The following GLB1L3 variants were observed in gnomAD, a reference collection of about 807,000 sequenced individuals.
The protein encoded by GLB1L3 is beta-galactosidase-1-like protein 3.
Under a neutral mutation model 89.5 loss-of-function variants are expected in GLB1L3, and 89 were observed. That is an observed-to-expected ratio of 0.99 (90% CI 0.84 to 1.19). The LOEUF is 1.19. Among genes scored for constraint, GLB1L3 ranks in the 50% most tolerant of loss-of-function variants. GLB1L3 has a pLI of 0.00. For missense variants in GLB1L3, 812 were observed against 813.3 expected (o/e 1.00, Z 0.02); for synonymous variants, 314 against 312.3 (o/e 1.01, Z -0.06).
At chr11:134,324,603 C>T in the GLB1L3 span, among the ~76,000 whole-genome samples, 323 of 152,154 alleles carry the variant, frequency 2.1e-3, 2 homozygotes, top group Middle Eastern at 6.8e-3. Flanking sequence ...CTTGTCTGTT[C>T]TTTGTTCTGT....
intron 9 of GLB1L3, chr11:134,305,113 A>T (rs1393651892): frequency 1.3e-6 from 2 of 1,548,718 alleles, no homozygotes; most frequent in Non-Finnish European, 8.7e-7. Flanking sequence ...CTCTCCTCCC[A>T]GGGAGCCAGT....
At position 134,283,798 on chromosome 11, in the gene GLB1L3, G is replaced by A; in HGVS notation, c.589G>A (p.Val197Ile). 4 of 1,613,144 alleles carry A rather than the reference G, an allele frequency of 2.5e-6. No homozygotes were observed. The highest frequency in any genetic ancestry group is 3.4e-6 in the Non-Finnish European group (4 of 1,179,516). The change falls in exon 6 of 20, where the codon GTT becomes ATT. Residue 197 changes from valine to isoleucine, a missense_variant. This residue lies in a region of GLB1L3 where 618 missense variants were observed against 604.0 expected (regional missense o/e 1.02). Coordinates refer to ENST00000431683, the MANE Select transcript of GLB1L3 (RefSeq NM_001080407.3). ...RTTNKSFIEAVEKYFDHLIPR... is the reference protein window; with the variant it reads ...RTTNKSFIEAIEKYFDHLIPR... ...AACCAACAAGAGCTTCATTGAAGCA[G>A]TTGAGAAGTATTTTGACCACCTGAT...
chr11:134,279,886 CT>C (rs1346530589), intron 3 of GLB1L3, among the ~76,000 whole-genome samples: 1 of 151,840 alleles, frequency 6.6e-6, no homozygotes, highest in Non-Finnish European at 1.5e-5. Flanking sequence ...GTGTAATTTC[CT>C]TTTCTCTACT....
intron 7 of GLB1L3, among the ~76,000 whole-genome samples, chr11:134,290,544 G>C (rs920020735): frequency 7.0e-6 from 1 of 143,264 alleles, no homozygotes; most frequent in Non-Finnish European, 1.5e-5. Flanking sequence ...CTGGACTCCA[G>C]CCTGGGTGAC....
chr11:134,288,968 G>T, intron 7 of GLB1L3, 78 bp downstream of exon 7: 1 of 1,009,642 alleles, frequency 9.9e-7, no homozygotes. Flanking sequence ...GGATGCATGA[G>T]TGATCGGGCT....
Position 134,312,457 on chromosome 11 carries a change from C to T in GLB1L3, c.1396C>T (p.Arg466Cys), listed in dbSNP as rs760273413. The change falls in exon 14 of 20, where the codon CGC (arginine) becomes TGC (cysteine). Residue 466 changes from arginine to cysteine, a missense_variant. Physicochemically the swap from Arg to Cys is radical, Grantham distance 180. This residue lies in a region of GLB1L3 where 618 missense variants were observed against 604.0 expected (regional missense o/e 1.02). Coordinates refer to ENST00000431683, the MANE Select transcript of GLB1L3 (RefSeq NM_001080407.3). ...TGAGAAGTCCATCTGCTCCGGAGGC[C>T]GCCTCCGTGCCCACGCTCATGACGT... Reference protein sequence around the residue: ...LYEKSICSGGRLRAHAHDVAQ... With the variant: ...LYEKSICSGGCLRAHAHDVAQ... The T allele has an allele frequency of 2.8e-5, 45 of 1,613,066 alleles. 1 individual carries two copies. In the South Asian group the frequency reaches 3.2e-4, roughly 11 times the overall value.
intron 10 of GLB1L3, among the ~76,000 whole-genome samples, chr11:134,308,235 C>CCATCACCACCACCACCAT (rs1942345069): frequency 3.6e-5 from 1 of 27,772 alleles, no homozygotes; most frequent in Non-Finnish European, 7.0e-5. Context: ...ACCACCACCA[C>CCATCACCACCACCACCAT]CATCACCATC....
intron 1 of GLB1L3, 168 bp from the exon 2 acceptor site, chr11:134,277,158 G>C: frequency 1.3e-6 from 1 of 795,822 alleles, no homozygotes. Flanking sequence ...GGACTGGCCG[G>C]GTGATGCCGC....
At chr11:134,308,466 A>T (rs1942471624) in intron 10 of GLB1L3, among the ~76,000 whole-genome samples, 2 of 19,610 alleles carry the variant, frequency 1.0e-4, no homozygotes, top group Admixed American at 5.4e-4. Context: ...CACCACCACC[A>T]CCACCAAATA....
intron 10 of GLB1L3, among the ~76,000 whole-genome samples, chr11:134,308,449 C>CCAT (rs1565413752): frequency 4.5e-5 from 2 of 44,328 alleles, no homozygotes; most frequent in East Asian, 4.1e-4. Flanking sequence ...ACCACCATCA[C>CCAT]CACCACCACC....
At position 134,276,769 on chromosome 11, in the gene GLB1L3, G is replaced by T; in HGVS notation, c.23+6G>T. On this transcript the variant is annotated splice_donor_region_variant and intron_variant, in intron 1 of 19. Coordinates refer to ENST00000431683, the MANE Select transcript of GLB1L3 (RefSeq NM_001080407.3). ...AAGTCCCCGCCCCTCCTCAGGTGACGGATCGCCGCTGCCGTCCCGGGCTGC... is the reference window on the plus strand; with the variant it reads ...AAGTCCCCGCCCCTCCTCAGGTGACTGATCGCCGCTGCCGTCCCGGGCTGC... The T allele has an allele frequency of 4.8e-6, 7 of 1,443,304 alleles. No homozygotes were observed. Among genetic ancestry groups the T allele is most frequent in the East Asian group, 3.1e-5 (1 of 32,506 alleles). The allele number at this position is 1,443,304 out of a possible 1,614,324, so 89.4% of individuals were successfully genotyped here.
At chr11:134,323,671 A>G (rs1464502967), downstream of GLB1L3, among the ~76,000 whole-genome samples, 1 of 152,194 alleles carries the variant, frequency 6.6e-6, no homozygotes, top group Non-Finnish European at 1.5e-5. Context: ...ATGGAAGAAT[A>G]ACTTCTCTCT....
chr11:134,281,244 A>C (rs1465255335), intron 3 of GLB1L3, 133 bp from the exon 4 acceptor site: 1 of 1,014,210 alleles, frequency 9.9e-7, no homozygotes, highest in Non-Finnish European at 1.5e-6. Flanking sequence ...ACAGAGGTTT[A>C]ATTTCCACTG....
chr11:134,308,386 CCATCACCACCAT>C (rs1565413465), intron 10 of GLB1L3, among the ~76,000 whole-genome samples: 11 of 70,954 alleles, frequency 1.6e-4, no homozygotes, highest in Middle Eastern at 7.1e-3. Flanking sequence ...ACCATCACCA[CCATCACCACCAT>C]CACCATCACC....
intron 9 of GLB1L3, among the ~76,000 whole-genome samples, chr11:134,300,576 C>T (rs1052283042): frequency 5.3e-5 from 8 of 152,124 alleles, no homozygotes; most frequent in South Asian, 2.1e-4. Context: ...CCTCATGATC[C>T]GCCTGCCTCA....
chr11:134,301,466 G>T (rs1406276719), intron 9 of GLB1L3, among the ~76,000 whole-genome samples: 1 of 152,006 alleles, frequency 6.6e-6, no homozygotes, highest in Non-Finnish European at 1.5e-5. Context: ...TATCATTTGT[G>T]CTGGTCTTTC....
At chr11:134,311,997 A>G (rs541357689) in intron 13 of GLB1L3, 90 of 182,428 alleles carry the variant, frequency 4.9e-4, no homozygotes, top group Middle Eastern at 2.3e-3. Context: ...GGGTCTCACT[A>G]TGTTGCCCAG....
At chr11:134,307,076 CTTTTTTG>C in intron 9 of GLB1L3, 41 bp from the exon 10 acceptor site, 1 of 1,438,928 alleles carries the variant, frequency 6.9e-7, no homozygotes, top group East Asian at 2.3e-5. Context: ...TCTGATTTTT[CTTTTTTG>C]TTTTTTGCCA....
At chr11:134,308,110 A>G (rs1942284298) in intron 10 of GLB1L3, among the ~76,000 whole-genome samples, 1 of 136,336 alleles carries the variant, frequency 7.3e-6, no homozygotes, top group South Asian at 2.4e-4. Flanking sequence ...GCCAGCAACA[A>G]TACCACCACC....
Sources: allele counts gnomAD v4.1 joint callset (sites outside exome capture counted in the v4.1 genomes callset), GRCh38; gene constraint gnomAD v4.1.1; regional missense constraint gnomAD v4.1.1; transcripts MANE v1.5; gene names NCBI Gene and HGNC (gene_info 2026-07-23, HGNC 2026-07-21).